Variants in RAE1 observed in about 807,000 individuals in gnomAD.
RAE1 encodes the protein ribonucleic acid export 1.
In RAE1, 13 loss-of-function variants were observed where a neutral mutation model predicts 52.7. The ratio of observed to expected loss-of-function variants is 0.25; its 90% confidence interval spans 0.16 to 0.39. The LOEUF (loss-of-function observed/expected upper bound fraction) is 0.39, where lower values mean the gene tolerates loss of function less well. Ranked by LOEUF, RAE1 falls within the 10% of genes least tolerant of loss-of-function variation. RAE1 has a pLI of 1.00. For synonymous variants in RAE1, 164 were observed against 153.1 expected (o/e 1.07, Z -0.52); for missense variants, 262 against 459.8 (o/e 0.57, Z 3.93).
chr20:57,371,333 T>G (rs557259600), intron 8 of RAE1: 10 of 152,308 alleles, frequency 6.6e-5, no homozygotes, highest in Non-Finnish European at 1.5e-4. Flanking sequence ...GGGATTGATT[T>G]CCAAAATACG....
chr20:57,354,179 C>T (rs1470376525), intron 2 of RAE1, 51 bp downstream of exon 2: 1 of 1,529,722 alleles, frequency 6.5e-7, no homozygotes, highest in East Asian at 2.3e-5. Flanking sequence ...GGCAGAGTTT[C>T]TCCCATCAAG....
intron 4 of RAE1, chr20:57,359,078 A>G: frequency 2.1e-6 from 3 of 1,421,080 alleles, no homozygotes; most frequent in East Asian, 2.6e-5. Context: ...TGATTATGCT[A>G]CCTTCGCACG....
At chr20:57,373,812 A>T in intron 10 of RAE1, 74 bp downstream of exon 10, 4 of 1,462,548 alleles carry the variant, frequency 2.7e-6, no homozygotes, top group Non-Finnish European at 2.9e-6. Flanking sequence ...GAATTGTGGG[A>T]TCAGAAAAGA....
chr20:57,374,108 C>G (rs1600728225), intron 10 of RAE1, among the ~76,000 whole-genome samples: 1 of 152,208 alleles, frequency 6.6e-6, no homozygotes, highest in East Asian at 1.9e-4. Flanking sequence ...TCTCGAACTC[C>G]TGACCTTGTG....
intron 2 of RAE1, among the ~76,000 whole-genome samples, chr20:57,354,367 A>C (rs1178460136): frequency 6.6e-6 from 1 of 152,190 alleles, no homozygotes; most frequent in Non-Finnish European, 1.5e-5. Flanking sequence ...GCAGATTCCC[A>C]GGGCCTGGCC....
chr20:57,377,199 T>C (rs2067128450), intron 11 of RAE1, among the ~76,000 whole-genome samples: 1 of 152,194 alleles, frequency 6.6e-6, no homozygotes, highest in African/African-American at 2.4e-5. Context: ...AGAATAAAAA[T>C]GTGTCATCAG....
In RAE1 at chr20:57,376,021, A is replaced by G. The variant is rs191348694; in HGVS notation, c.1020+1220A>G. On this transcript the variant is annotated intron_variant, in intron 11 of 11. Transcript: ENST00000395841. ...ATTCCCAAGACACCTGCTGCCACAC[A>G]AGCCAGTGACTGGAGACGTCCCTTG... Among the ~76,000 whole-genome samples, 495 of 152,300 alleles carry G rather than the reference A, an allele frequency of 3.3e-3. 4 individuals carry two copies. Among genetic ancestry groups the G allele is most frequent in the Non-Finnish European group, 5.3e-3 (361 of 68,018 alleles).
intron 8 of RAE1, 123 bp downstream of exon 8, chr20:57,368,935 G>A (rs985002579): frequency 2.6e-6 from 2 of 758,282 alleles, no homozygotes; most frequent in African/African-American, 3.5e-5. Flanking sequence ...GGGGTGAATT[G>A]AAGGATATAA....
At chr20:57,353,055 C>T (rs569677711) in intron 1 of RAE1, among the ~76,000 whole-genome samples, 2 of 152,220 alleles carry the variant, frequency 1.3e-5, no homozygotes, top group Admixed American at 6.5e-5. Flanking sequence ...GCAGTTTCTC[C>T]GTTCTGTGTT....
intron 8 of RAE1, 43 bp downstream of exon 8, chr20:57,368,855 T>C: frequency 6.8e-7 from 1 of 1,477,022 alleles, no homozygotes; most frequent in Non-Finnish European, 9.4e-7. Flanking sequence ...TTAGCACCTG[T>C]TGTATGCAAG....
intron 7 of RAE1, 69 bp downstream of exon 7, chr20:57,367,148 C>T (rs994634802): frequency 9.8e-6 from 13 of 1,328,372 alleles, no homozygotes; most frequent in African/African-American, 7.4e-5. Context: ...CACCTTGTGG[C>T]GTCCTGCAGT....
chr20:57,351,942 C>T, intron 1 of RAE1: 1 of 985,466 alleles, frequency 1.0e-6, no homozygotes, highest in Non-Finnish European at 1.2e-6. Context: ...AAACACCAGC[C>T]GCCCTGGGCC....
chr20:57,362,629 A>G (rs1321622472), intron 4 of RAE1, among the ~76,000 whole-genome samples: 2 of 152,312 alleles, frequency 1.3e-5, no homozygotes, highest in Non-Finnish European at 2.9e-5. Flanking sequence ...GTTTCATAGC[A>G]TCTAGTGGGA....
At chr20:57,351,905 G>A (rs1171258069) in intron 1 of RAE1, 1 of 985,356 alleles carries the variant, frequency 1.0e-6, no homozygotes, top group Admixed American at 6.1e-5. Context: ...CACCGTACAG[G>A]CAGTACTTCT....
chr20:57,359,956 G>T (rs1160074597), intron 4 of RAE1: 1 of 152,170 alleles, frequency 6.6e-6, no homozygotes, highest in Non-Finnish European at 1.5e-5. Context: ...AAGATAGTTT[G>T]ATAATATTTT....
chr20:57,373,279 C>T, intron 8 of RAE1, 196 bp from the exon 9 acceptor site: 1 of 596,050 alleles, frequency 1.7e-6, no homozygotes. Flanking sequence ...ACAGGGTGTG[C>T]AGTTGGGTCA....
intron 4 of RAE1, among the ~76,000 whole-genome samples, chr20:57,363,775 T>C (rs2066919726): frequency 6.6e-6 from 1 of 152,268 alleles, no homozygotes; most frequent in Non-Finnish European, 1.5e-5. Flanking sequence ...TATTGTATGC[T>C]AAATCCTGGA....
intron 4 of RAE1, chr20:57,359,074 T>C (rs2066848270): frequency 2.8e-6 from 4 of 1,450,780 alleles, no homozygotes; most frequent in East Asian, 2.6e-5. Context: ...CAAGTGATTA[T>C]GCTACCTTCG....
intron 4 of RAE1, among the ~76,000 whole-genome samples, chr20:57,363,479 T>C (rs1423591247): frequency 6.6e-6 from 1 of 152,080 alleles, no homozygotes; most frequent in Non-Finnish European, 1.5e-5. Flanking sequence ...CACCACTGCA[T>C]TCCAGCCTGG....
Sources: allele counts gnomAD v4.1 joint callset (sites outside exome capture counted in the v4.1 genomes callset), GRCh38; gene constraint gnomAD v4.1.1; transcripts MANE v1.5; gene names NCBI Gene and HGNC (gene_info 2026-07-23, HGNC 2026-07-21).